The following DENND4C variants were observed in gnomAD, a reference collection of about 807,000 sequenced individuals.
DENND4C encodes DENN domain containing 4C, also known as DENN domain-containing protein 4C.
DENND4C carries 108 observed loss-of-function variants against 203.0 expected under a neutral mutation model. The observed-to-expected ratio is 0.53, with a 90% CI of 0.46 to 0.62. DENND4C has a LOEUF of 0.62. Ranked by LOEUF, DENND4C falls within the 20% of genes least tolerant of loss-of-function variation. DENND4C has a pLI of 0.00. For missense variants in DENND4C, 2,481 were observed against 2,301.2 expected (o/e 1.08, Z -1.60); for synonymous variants, 871 against 792.4 (o/e 1.10, Z -1.67).
intron 5 of DENND4C, among the ~76,000 whole-genome samples, chr9:19,293,953 C>T (rs1269623607): frequency 6.6e-6 from 1 of 152,148 alleles, no homozygotes; most frequent in African/African-American, 2.4e-5. Flanking sequence ...TTGAACATGA[C>T]TTCGAAGTTT....
chr9:19,272,074 A>T (rs577122995), intron 1 of DENND4C, among the ~76,000 whole-genome samples: 1 of 152,126 alleles, frequency 6.6e-6, no homozygotes. Context: ...GAACAAAGGT[A>T]TGAAATCATT....
intron 17 of DENND4C, among the ~76,000 whole-genome samples, chr9:19,332,616 C>T (rs1819484929): frequency 1.3e-5 from 2 of 150,664 alleles, no homozygotes; most frequent in Middle Eastern, 3.4e-3. Flanking sequence ...CTGCCTGCCT[C>T]AGCTTTCAGT....
intron 27 of DENND4C, chr9:19,357,754 C>T (rs1825711748): frequency 2.2e-6 from 1 of 446,780 alleles, no homozygotes. Context: ...ATGTCATCTT[C>T]CCACCCCTCA....
chr9:19,340,284 C>A (rs555816695), intron 20 of DENND4C, among the ~76,000 whole-genome samples: 1 of 152,278 alleles, frequency 6.6e-6, no homozygotes, highest in South Asian at 2.1e-4. Flanking sequence ...AACAAACCTA[C>A]TAAGATGTTC....
intron 1 of DENND4C, among the ~76,000 whole-genome samples, chr9:19,241,273 GTTGT>G: frequency 6.6e-6 from 1 of 152,126 alleles, no homozygotes; most frequent in South Asian, 2.1e-4. Flanking sequence ...TAAAATGTTT[GTTGT>G]TTTTTGACTC....
rs772506615 is a variant in DENND4C, at chr9:19,346,108, G to A, written c.3339G>A (p.Ser1113=). 24 of 1,614,066 alleles carry A rather than the reference G, an allele frequency of 1.5e-5. No homozygotes were observed. The highest frequency in any genetic ancestry group is 4.4e-5 in the South Asian group (4 of 91,076). ...TGCTTAAGAAGAGTAGTTTGGATTC[G>A]AATTCAAGTGAAATGGCTATCATGA... is the stretch of plus-strand genomic sequence containing the variant. ...GMLLKKSSLD[S]NSSEMAIMMG... Residue 1113 remains serine (S), a synonymous_variant, in exon 23 of 33, where the codon TCG becomes TCA. Coordinates refer to ENST00000434457, the MANE Select transcript of DENND4C (RefSeq NM_001330640.2).
intron 1 of DENND4C, among the ~76,000 whole-genome samples, chr9:19,239,515 A>G (rs1366132529): frequency 1.3e-5 from 2 of 151,378 alleles, no homozygotes; most frequent in East Asian, 3.9e-4. Flanking sequence ...CCCAGGCTGG[A>G]GTGCAGTGGC....
At chr9:19,366,511 G>A (rs781398708) in intron 30 of DENND4C, among the ~76,000 whole-genome samples, 3 of 152,202 alleles carry the variant, frequency 2.0e-5, no homozygotes, top group Non-Finnish European at 4.4e-5. Flanking sequence ...GGCTGAGGCA[G>A]GAGAATGGCG....
intron 30 of DENND4C, among the ~76,000 whole-genome samples, chr9:19,365,772 T>C (rs954210595): frequency 7.9e-6 from 1 of 126,648 alleles, no homozygotes; most frequent in African/African-American, 2.7e-5. Context: ...CAACTATTTC[T>C]ATATCTTTGA....
At chr9:19,261,305 T>TTTG (rs201780217) in intron 1 of DENND4C, among the ~76,000 whole-genome samples, 8,183 of 152,130 alleles carry the variant, frequency 0.054, 365 homozygotes, top group African/African-American at 0.12. Context: ...TTCTTCCAGT[T>TTTG]TTGTTTTTGC....
At chr9:19,259,731 C>T (rs1039161651) in intron 1 of DENND4C, among the ~76,000 whole-genome samples, 3 of 152,078 alleles carry the variant, frequency 2.0e-5, no homozygotes, top group Non-Finnish European at 2.9e-5. Flanking sequence ...TCTCAAACTC[C>T]TGACCTCAGG....
chr9:19,280,105 C>T (rs1833731442), intron 2 of DENND4C, among the ~76,000 whole-genome samples: 1 of 145,334 alleles, frequency 6.9e-6, no homozygotes, highest in Non-Finnish European at 1.5e-5. Flanking sequence ...GGCCGGCCTG[C>T]CTGCTTGCCT....
At chr9:19,252,703 G>C (rs901458276) in intron 1 of DENND4C, among the ~76,000 whole-genome samples, 4 of 130,356 alleles carry the variant, frequency 3.1e-5, no homozygotes, top group African/African-American at 1.2e-4. Flanking sequence ...AACCAAATCA[G>C]CGTGTGTATA....
At chr9:19,340,401 A>C (rs747873618) in intron 20 of DENND4C, among the ~76,000 whole-genome samples, 1 of 152,116 alleles carries the variant, frequency 6.6e-6, no homozygotes, top group African/African-American at 2.4e-5. Context: ...TATGTTATTC[A>C]TGTGAAATAC....
intron 12 of DENND4C, among the ~76,000 whole-genome samples, chr9:19,321,831 CAA>C (rs35648828): frequency 0.038 from 3,338 of 86,770 alleles, 75 homozygotes; most frequent in African/African-American, 0.096. Flanking sequence ...GACTCCATCT[CAA>C]AAAAAAAAAA....
At chr9:19,280,160 T>TCCTC (rs1833755647) in intron 2 of DENND4C, among the ~76,000 whole-genome samples, 1 of 151,164 alleles carries the variant, frequency 6.6e-6, no homozygotes, top group East Asian at 1.9e-4. Flanking sequence ...CTTCCTCCCT[T>TCCTC]CCTTTTTTTT....
intron 9 of DENND4C, among the ~76,000 whole-genome samples, chr9:19,302,544 A>G (rs1838797855): frequency 6.6e-6 from 1 of 152,054 alleles, no homozygotes; most frequent in African/African-American, 2.4e-5. Flanking sequence ...CTTTTGTTGA[A>G]TAGAAGATAA....
In DENND4C at chr9:19,282,600, A is replaced by T. The variant is rs1302011049; in HGVS notation, c.306-4169A>T. Among the ~76,000 whole-genome samples, 3 of 148,230 alleles carry T rather than the reference A, an allele frequency of 2.0e-5. 1 individual carries two copies. Among genetic ancestry groups the T allele is most frequent in the African/African-American group, 7.4e-5 (3 of 40,602 alleles). Reference sequence around the variant, plus strand: ...ATAATGGGGTCTTGCCTTGTTGCCCAGGCTGGCATTGCACTCCTAGGCTCA... The same window carrying T: ...ATAATGGGGTCTTGCCTTGTTGCCCTGGCTGGCATTGCACTCCTAGGCTCA... On this transcript the variant is annotated intron_variant, in intron 2 of 32. Coordinates refer to ENST00000434457, the MANE Select transcript of DENND4C (RefSeq NM_001330640.2).
intron 30 of DENND4C, 42 bp downstream of exon 30, chr9:19,362,005 G>A: frequency 8.0e-7 from 1 of 1,248,190 alleles, no homozygotes; most frequent in Non-Finnish European, 1.2e-6. Flanking sequence ...CAGGTGCAGT[G>A]GCTCGCACCT....
Sources: gnomAD v4.1 joint callset for allele counts (sites outside exome capture counted in the v4.1 genomes callset) on GRCh38, gnomAD v4.1.1 for gene constraint, MANE v1.5 for transcripts, NCBI Gene and HGNC (gene_info 2026-07-23, HGNC 2026-07-21) for gene names.